Variants in CPM observed in about 807,000 individuals in gnomAD.
CPM encodes carboxypeptidase M.
Under a neutral mutation model 46.4 loss-of-function variants are expected in CPM, and 35 were observed. The observed-to-expected ratio is 0.75, with a 90% confidence interval of 0.58 to 1.00. The LOEUF (loss-of-function observed/expected upper bound fraction) is 1.00. CPM is among the 50% of genes least tolerant of loss of function. The pLI, the probability that CPM is intolerant of heterozygous loss-of-function variation, is 0.00. For missense variants in CPM, 422 were observed against 530.4 expected, an observed-to-expected ratio of 0.80 and a Z score of 2.01; for synonymous variants, 195 against 195.3, an observed-to-expected ratio of 1.00 and a Z score of 0.01.
chr12:68,870,438 C>A, intron 4 of CPM, 39 bp from the exon 5 acceptor site: 1 of 1,562,762 alleles, frequency 6.4e-7, no homozygotes, highest in Non-Finnish European at 8.8e-7. Context: ...ATTGATAGGG[C>A]ATGAGGGAGT....
At chr12:68,876,647 G>A (rs1263764137) in intron 3 of CPM, among the ~76,000 whole-genome samples, 1 of 152,132 alleles carries the variant, frequency 6.6e-6, no homozygotes, top group East Asian at 1.9e-4. Flanking sequence ...GGACACACCG[G>A]CCTCCGGAGA....
At chr12:68,850,990 A>G (rs1884645551), downstream of CPM, among the ~76,000 whole-genome samples, 1 of 152,102 alleles carries the variant, frequency 6.6e-6, no homozygotes, top group South Asian at 2.1e-4. Context: ...CATATAGCAT[A>G]TGTAACTTGT....
chr12:68,843,713 C>G (rs896795505), intron 5 of CPM: 10 of 222,164 alleles, frequency 4.5e-5, no homozygotes, highest in South Asian at 1.8e-4. Flanking sequence ...CTCTCTCTCT[C>G]TCTGTCTGTC....
At chr12:68,932,946 G>A (rs1266158375) in intron 1 of CPM, 106 bp from the exon 2 acceptor site, 12 of 1,008,906 alleles carry the variant, frequency 1.2e-5, no homozygotes, top group Non-Finnish European at 1.5e-5. Flanking sequence ...CGACACTGAC[G>A]CTCCCTGCCT....
intron 2 of CPM, among the ~76,000 whole-genome samples, chr12:68,904,957 G>A (rs546962906): frequency 1.3e-5 from 2 of 152,308 alleles, no homozygotes; most frequent in African/African-American, 4.8e-5. Flanking sequence ...CGCTCACGCT[G>A]GAGTGCAATG....
At chr12:68,869,261 T>C in intron 6 of CPM, 64 bp downstream of exon 6, 4 of 1,519,488 alleles carry the variant, frequency 2.6e-6, no homozygotes, top group Non-Finnish European at 3.6e-6. Flanking sequence ...TGGATCAAAA[T>C]AAACCAGCTG....
chr12:68,880,958 T>C (rs1886162696), intron 3 of CPM, among the ~76,000 whole-genome samples: 1 of 152,242 alleles, frequency 6.6e-6, no homozygotes, highest in African/African-American at 2.4e-5. Flanking sequence ...GCCATGATCC[T>C]AGTAGAACAA....
intron 1 of CPM, among the ~76,000 whole-genome samples, chr12:68,938,269 A>T (rs1888703027): frequency 6.6e-6 from 1 of 152,054 alleles, no homozygotes; most frequent in Non-Finnish European, 1.5e-5. Flanking sequence ...ACATTTAGGG[A>T]TGGGGCAAGG....
intron 1 of CPM, among the ~76,000 whole-genome samples, chr12:68,951,642 C>T (rs1216995020): frequency 6.6e-6 from 1 of 152,120 alleles, no homozygotes; most frequent in Non-Finnish European, 1.5e-5. Flanking sequence ...ATTGCAGATG[C>T]CAAGTGCTGG....
At chr12:68,871,653 C>G in intron 4 of CPM, 131 bp downstream of exon 4, 1 of 983,604 alleles carries the variant, frequency 1.0e-6, no homozygotes, top group Admixed American at 2.3e-5. Flanking sequence ...AGCTTTGGCA[C>G]ATCAGCGACA....
At chr12:68,933,627 T>A (rs540371074), upstream of CPM, among the ~76,000 whole-genome samples, 37 of 152,020 alleles carry the variant, frequency 2.4e-4, no homozygotes, top group African/African-American at 8.4e-4. Flanking sequence ...CTGAGTGCCC[T>A]GAGCCCCGCG....
At chr12:68,886,072 T>C (rs113882504) in intron 2 of CPM, among the ~76,000 whole-genome samples, 183 bp from the exon 3 acceptor site, 3 of 152,210 alleles carry the variant, frequency 2.0e-5, no homozygotes, top group African/African-American at 4.8e-5. Flanking sequence ...TCAGAATTTA[T>C]GGAAACCCTT....
chr12:68,844,366 C>G, intron 5 of CPM: 1 of 225,016 alleles, frequency 4.4e-6, no homozygotes, highest in East Asian at 6.4e-5. Flanking sequence ...TGGGAGCCTC[C>G]AATGAGAGCA....
chr12:68,931,282 A>G (rs918430768), intron 2 of CPM, among the ~76,000 whole-genome samples: 1 of 152,130 alleles, frequency 6.6e-6, no homozygotes, highest in Non-Finnish European at 1.5e-5. Context: ...TAATTATGAG[A>G]CTCTCAATTG....
Position 68,842,491 on chromosome 12 carries a change from G to A in CPM, c.534-162C>T, listed in dbSNP as rs142063414. 6.7e-3 allele frequency: 2,570 copies of A among 385,630 alleles called. 16 individuals are homozygous for A. The highest frequency in any genetic ancestry group is 0.01 in the Non-Finnish European group (2,044 of 197,728). The allele number at this position is 385,630 out of a possible 1,614,324, so 23.9% of individuals were successfully genotyped here. ...CTTATTTTTTATATAAGGTCACTCCGATGAAAGGTGATTACAAAATCATCT... is the reference window on the plus strand; with the variant it reads ...CTTATTTTTTATATAAGGTCACTCCAATGAAAGGTGATTACAAAATCATCT... On this transcript the variant is annotated intron_variant, in intron 5 of 5. Transcript: ENST00000551897.
chr12:68,874,465 A>C (rs1885851621), intron 3 of CPM, among the ~76,000 whole-genome samples: 1 of 151,988 alleles, frequency 6.6e-6, no homozygotes, highest in African/African-American at 2.4e-5. Flanking sequence ...AAAATACAAA[A>C]ATTAGCTGGG....
intron 7 of CPM, among the ~76,000 whole-genome samples, chr12:68,860,075 T>A (rs958653807): frequency 6.6e-6 from 1 of 152,230 alleles, no homozygotes; most frequent in Non-Finnish European, 1.5e-5. Context: ...CAGAAACGGT[T>A]AAAGTGAAAA....
At chr12:68,900,302 C>T (rs1887060422) in intron 2 of CPM, among the ~76,000 whole-genome samples, 1 of 152,146 alleles carries the variant, frequency 6.6e-6, no homozygotes, top group African/African-American at 2.4e-5. Flanking sequence ...CATCATATGT[C>T]ATCAGGGAAA....
chr12:68,910,970 G>GA (rs923814796), intron 2 of CPM, among the ~76,000 whole-genome samples: 18 of 150,544 alleles, frequency 1.2e-4, no homozygotes, highest in Admixed American at 8.6e-4. Context: ...TTTAGAAGAT[G>GA]AAAAAAAAAT....
Sources: allele counts gnomAD v4.1 joint callset (sites outside exome capture counted in the v4.1 genomes callset), GRCh38; gene constraint gnomAD v4.1.1; transcripts MANE v1.5; gene names NCBI Gene and HGNC (gene_info 2026-07-23, HGNC 2026-07-21).